WASF2: variants seen among roughly 807,000 people sequenced by gnomAD.
The protein encoded by WASF2 is WASP family member 2.
A neutral mutation model predicts 45.0 loss-of-function variants in WASF2; 14 were observed. The observed-to-expected ratio is 0.31, with a 90% CI of 0.21 to 0.49. WASF2 has a LOEUF of 0.49. Ranked by LOEUF, WASF2 falls within the 20% of genes least tolerant of loss-of-function variation. WASF2 has a pLI of 0.99. For synonymous variants in WASF2, 200 were observed against 236.3 expected, an observed-to-expected ratio of 0.85 and a Z score of 1.41; for missense variants, 439 against 636.1, an observed-to-expected ratio of 0.69 and a Z score of 3.33.
intron 1 of WASF2, among the ~76,000 whole-genome samples, chr1:27,468,272 A>G (rs1421475959): frequency 6.6e-6 from 1 of 152,168 alleles, no homozygotes; most frequent in African/African-American, 2.4e-5. Flanking sequence ...TTCAACTAGC[A>G]AAGTCCAGAA....
intron 4 of WASF2, among the ~76,000 whole-genome samples, chr1:27,416,766 T>G (rs1475096853): frequency 6.6e-6 from 1 of 152,228 alleles, no homozygotes; most frequent in Non-Finnish European, 1.5e-5. Flanking sequence ...AATCACCAGC[T>G]TCTAATTAAT....
At chr1:27,441,974 T>C (rs1313268972) in intron 1 of WASF2, among the ~76,000 whole-genome samples, 1 of 144,850 alleles carries the variant, frequency 6.9e-6, no homozygotes, top group Non-Finnish European at 1.5e-5. Context: ...AGTGCAGTGG[T>C]GTGCACTTGT....
chr1:27,452,413 T>C (rs2017395767), intron 1 of WASF2, among the ~76,000 whole-genome samples: 1 of 152,116 alleles, frequency 6.6e-6, no homozygotes, highest in Non-Finnish European at 1.5e-5. Flanking sequence ...CTTGGGAAAC[T>C]GAGGCAGGAG....
At position 27,408,050 on chromosome 1, in the gene WASF2, T is replaced by C. The variant is rs2016703745; in HGVS notation, c.*139A>G. 1.0e-6 allele frequency: 1 copy of C among 990,762 alleles called. No homozygotes were observed. The highest frequency in any genetic ancestry group is 1.5e-6 in the Non-Finnish European group (1 of 686,708). The allele number at this position is 990,762 out of a possible 1,614,324, so 61.4% of individuals were successfully genotyped here. On this transcript the variant is annotated 3_prime_UTR_variant, in exon 9 of 9. Coordinates refer to ENST00000618852, the MANE Select transcript of WASF2 (RefSeq NM_006990.5). The stretch of plus-strand genomic sequence containing the variant: ...TGGAGGAAGCACTTGGATATATCTT[T>C]GGTTGCTTCAGGGAAAGCTTTGGCC...
intron 3 of WASF2, among the ~76,000 whole-genome samples, 183 bp from the exon 4 acceptor site, chr1:27,418,605 C>T (rs1427800558): frequency 6.6e-6 from 1 of 152,264 alleles, no homozygotes; most frequent in Non-Finnish European, 1.5e-5. Flanking sequence ...AGTCGTTTCA[C>T]GACTGAACAA....
At chr1:27,468,939 AAGG>A (rs1216012784) in intron 1 of WASF2, among the ~76,000 whole-genome samples, 3 of 151,574 alleles carry the variant, frequency 2.0e-5, no homozygotes, top group Non-Finnish European at 4.4e-5. Flanking sequence ...AAAAAAAAAA[AAGG>A]AGACATAGAA....
chr1:27,466,595 G>A (rs1484963695), intron 1 of WASF2, among the ~76,000 whole-genome samples: 4 of 152,206 alleles, frequency 2.6e-5, no homozygotes, highest in African/African-American at 9.7e-5. Context: ...GCTGCTGGGC[G>A]CAGTGGTGCA....
intron 1 of WASF2, among the ~76,000 whole-genome samples, chr1:27,452,664 A>G (rs1474612321): frequency 6.6e-6 from 1 of 150,620 alleles, no homozygotes; most frequent in Non-Finnish European, 1.5e-5. Flanking sequence ...TAAAAATACA[A>G]AAAATTACCC....
intron 2 of WASF2, among the ~76,000 whole-genome samples, chr1:27,419,883 C>T (rs115595122): frequency 1.1e-3 from 168 of 152,024 alleles, no homozygotes; most frequent in Non-Finnish European, 1.6e-3. Flanking sequence ...GGGAAGGTTC[C>T]TTTATGTTTT....
In WASF2 at chr1:27,409,760, G is replaced by T. The variant is rs201662957; in HGVS notation, c.1271C>A (p.Thr424Asn). Residue 424 changes from threonine to asparagine, a missense_variant, in exon 8 of 9, where the codon ACC becomes AAC. Transcript: ENST00000618852. The stretch of plus-strand genomic sequence containing the variant: ...GGCAGGCAAGGAGGACTTGGGCTTG[G>T]TGGTATCAGAAAGCGGTGGTGGTAT... ...PAIPPPLSDT[T>N]KPKSSLPAVS... 3.3e-6 allele frequency: 5 copies of T among 1,538,100 alleles called. No individual in the cohort carries two copies. In the Admixed American group the frequency reaches 1.0e-4, roughly 32 times the overall value.
At chr1:27,408,462 A>C (rs893072546) in intron 8 of WASF2, 116 bp from the exon 9 acceptor site, 1 of 1,361,478 alleles carries the variant, frequency 7.3e-7, no homozygotes, top group African/African-American at 1.5e-5. Flanking sequence ...AAGGATAGAG[A>C]AAAAGAAGGT....
At chr1:27,464,161 C>A (rs1426153432) in intron 1 of WASF2, among the ~76,000 whole-genome samples, 1 of 151,834 alleles carries the variant, frequency 6.6e-6, no homozygotes, top group Non-Finnish European at 1.5e-5. Flanking sequence ...GGGTGGATTG[C>A]CTGAGGTCAG....
chr1:27,411,049 T>A (rs1441795074), intron 7 of WASF2, among the ~76,000 whole-genome samples: 6 of 152,204 alleles, frequency 3.9e-5, no homozygotes, highest in Non-Finnish European at 7.3e-5. Flanking sequence ...CTTAGCTGCA[T>A]CTGACAGGGC....
rs1332975633 is a variant in WASF2, at chr1:27,477,909, AAT to A, written c.-44+12075_-44+12076del. Among the ~76,000 whole-genome samples, 34 of 99,868 alleles carry A rather than the reference AAT, an allele frequency of 3.4e-4. 4 individuals carry two copies. Among genetic ancestry groups the A allele is most frequent in the Middle Eastern group, 4.7e-3 (1 of 214 alleles). The allele number at this position is 99,868 out of a possible 152,430, so 65.5% of individuals were successfully genotyped here. A position where few individuals can be genotyped will look rare whatever the true frequency, so the allele number is the denominator to read the frequency against. ...GCGAGACTCCGTCTCAAAAAAAAAAAATAAATAAATAAAAAAAAAAATAAAAA... is the reference window on the plus strand; with the variant it reads ...GCGAGACTCCGTCTCAAAAAAAAAAAAAATAAATAAAAAAAAAAATAAAAA... On this transcript the variant is annotated intron_variant, in intron 1 of 8. Coordinates refer to ENST00000618852, the MANE Select transcript of WASF2 (RefSeq NM_006990.5).
At chr1:27,451,474 A>G (rs560286067) in intron 1 of WASF2, among the ~76,000 whole-genome samples, 49 of 152,314 alleles carry the variant, frequency 3.2e-4, no homozygotes, top group African/African-American at 1.1e-3. Flanking sequence ...AGGCAGACAA[A>G]AGCTGAGGCA....
chr1:27,435,106 C>T (rs1026078902), intron 1 of WASF2, among the ~76,000 whole-genome samples: 4 of 152,130 alleles, frequency 2.6e-5, no homozygotes, highest in East Asian at 1.9e-4. Context: ...CAGCACCATG[C>T]CCACTAATTT....
At position 27,411,638 on chromosome 1, in the gene WASF2, C is replaced by T. The variant is rs970525756; in HGVS notation, c.824+934G>A. On this transcript the variant is annotated intron_variant, in intron 7 of 8. Coordinates refer to ENST00000618852, the MANE Select transcript of WASF2 (RefSeq NM_006990.5). ...CAGCACTTTGGGAGGCCGAGGTGGG[C>T]GGATCATGAGGTCAGGAGATCGAGA... Among the ~76,000 whole-genome samples the T allele has an allele frequency of 9.2e-5, 14 of 152,146 alleles. 1 individual carries two copies. Among genetic ancestry groups the T allele is most frequent in the African/African-American group, 2.9e-4 (12 of 41,512 alleles).
chr1:27,468,804 AC>A (rs2017650245), intron 1 of WASF2, among the ~76,000 whole-genome samples: 1 of 151,396 alleles, frequency 6.6e-6, no homozygotes. Flanking sequence ...ACATGGTGAA[AC>A]CCCGTCTCTA....
rs956618419 is a variant in WASF2 at position 27,418,088 on chromosome 1, A to G, written c.419+181T>C. 1.8e-4 allele frequency among the ~76,000 whole-genome samples: 28 copies of G among 152,334 alleles called. 1 individual carries two copies. In the Middle Eastern group the frequency reaches 0.01, roughly 56 times the overall value. ...TATGAATTTCAGAAACCAAACAATA[A>G]TAAGTGACAATTTTTATGGTGTAAA... On this transcript the variant is annotated intron_variant, in intron 4 of 8. Transcript: ENST00000618852.
Sources: allele counts gnomAD v4.1 joint callset (sites outside exome capture counted in the v4.1 genomes callset), GRCh38; gene constraint gnomAD v4.1.1; transcripts MANE v1.5; gene names NCBI Gene and HGNC (gene_info 2026-07-23, HGNC 2026-07-21).